STAT5B: variants seen among roughly 807,000 people sequenced by gnomAD.
STAT5B encodes signal transducer and activator of transcription 5B.
STAT5B carries 21 observed loss-of-function variants against 107.8 expected under a neutral mutation model. That is an observed-to-expected ratio of 0.19 (90% confidence interval 0.14 to 0.28). The LOEUF is 0.28. Among genes scored for constraint, STAT5B ranks in the 10% least tolerant of loss-of-function variants. The probability of loss-of-function intolerance (pLI) is 1.00; values close to 1 mark genes in which losing one functional copy is unlikely to be tolerated. For missense variants in STAT5B, 565 were observed against 1,008.2 expected (o/e 0.56, Z 5.95); for synonymous variants, 325 against 401.7 (o/e 0.81, Z 2.28).
chr17:42,260,813 T>C (rs1231214785), intron 1 of STAT5B, among the ~76,000 whole-genome samples: 1 of 152,192 alleles, frequency 6.6e-6, no homozygotes, highest in African/African-American at 2.4e-5. Context: ...AAAATTACAA[T>C]TGGAGCTCAC....
chr17:42,265,227 T>C (rs1177670642), intron 1 of STAT5B, among the ~76,000 whole-genome samples: 1 of 152,046 alleles, frequency 6.6e-6, no homozygotes, highest in Admixed American at 6.5e-5. Context: ...ATCCCATTTG[T>C]CAATTTTGTC....
At chr17:42,265,052 GTTGT>G (rs769780068) in intron 1 of STAT5B, among the ~76,000 whole-genome samples, 5 of 134,874 alleles carry the variant, frequency 3.7e-5, no homozygotes, top group East Asian at 2.1e-4. Context: ...TTTTGATGGG[GTTGT>G]TTGTTTTTTT....
At chr17:42,262,934 G>T (rs7225401) in intron 1 of STAT5B, among the ~76,000 whole-genome samples, 1 of 36,824 alleles carries the variant, frequency 2.7e-5, no homozygotes, top group Non-Finnish European at 5.3e-5. Flanking sequence ...ATATATATAT[G>T]TATATATATG....
intron 1 of STAT5B, among the ~76,000 whole-genome samples, chr17:42,274,298 A>C (rs2080746337): frequency 1.3e-5 from 2 of 151,560 alleles, no homozygotes; most frequent in South Asian, 2.1e-4. Context: ...AAAAAAAAAA[A>C]AAAAAAAAAC....
intron 1 of STAT5B, among the ~76,000 whole-genome samples, chr17:42,237,114 C>G (rs2080362999): frequency 6.6e-6 from 1 of 152,180 alleles, no homozygotes; most frequent in Non-Finnish European, 1.5e-5. Flanking sequence ...CATTTCAGAA[C>G]AACCTAAGAC....
intron 16 of STAT5B, among the ~76,000 whole-genome samples, chr17:42,205,018 C>G (rs1392726776): frequency 6.6e-6 from 1 of 152,164 alleles, no homozygotes; most frequent in African/African-American, 2.4e-5. Context: ...TGAGCTGTAA[C>G]TCTGCATAGG....
intron 2 of STAT5B, among the ~76,000 whole-genome samples, chr17:42,230,089 G>C (rs1307330555): frequency 2.0e-5 from 3 of 152,066 alleles, no homozygotes; most frequent in African/African-American, 7.2e-5. Context: ...AAAATGAAAA[G>C]GGAGTGGAAA....
chr17:42,218,651 G>A lies in STAT5B; in HGVS notation c.989+72C>T, dbSNP rs569613282. 171 of 1,611,284 alleles carry A rather than the reference G, an allele frequency of 1.1e-4. 1 individual carries two copies. The Admixed American group carries it at 2.8e-3, about 26-fold the overall frequency. ...GGAAGTGGATCTGCTGGTCTGGAAG[G>A]CACCTGCGGCTCCCCCCACGCAGGC... On this transcript the variant is annotated intron_variant, in intron 8 of 18. Transcript: ENST00000293328.
chr17:42,219,258 C>T (rs1326890213), intron 7 of STAT5B, 54 bp downstream of exon 7: 22 of 1,589,978 alleles, frequency 1.4e-5, no homozygotes, highest in South Asian at 5.6e-5. Flanking sequence ...CAGAAGCAGC[C>T]GGGATCCCCA....
chr17:42,273,805 AC>A lies in STAT5B; in HGVS notation c.-11+2442del, dbSNP rs529877646. On this transcript the variant is annotated intron_variant, in intron 1 of 18. Coordinates refer to ENST00000293328, the MANE Select transcript of STAT5B (RefSeq NM_012448.4). ...AATGGATTCATAATATATAAGCCTA[AC>A]AAAAATTACAGACAATTTGAATACT... 2.0e-3 allele frequency among the ~76,000 whole-genome samples: 308 copies of A among 152,366 alleles called. 1 individual carries two copies. Among genetic ancestry groups the A allele is most frequent in the African/African-American group, 7.1e-3 (295 of 41,584 alleles).
intron 1 of STAT5B, among the ~76,000 whole-genome samples, chr17:42,259,190 T>C (rs146883714): frequency 0.012 from 1,776 of 152,300 alleles, 11 homozygotes; most frequent in Non-Finnish European, 0.017. Context: ...TTTTCAGAGA[T>C]GGGATCTCAC....
intron 1 of STAT5B, among the ~76,000 whole-genome samples, chr17:42,257,501 C>T (rs77602861): frequency 0.019 from 2,869 of 152,282 alleles, 84 homozygotes; most frequent in African/African-American, 0.066. Flanking sequence ...ATGTGCAAAA[C>T]AAATCGGGTC....
intron 1 of STAT5B, among the ~76,000 whole-genome samples, chr17:42,262,896 G>GTA (rs571521187): frequency 4.5e-5 from 5 of 111,816 alleles, no homozygotes; most frequent in South Asian, 2.7e-4. Context: ...ATATATGTGT[G>GTA]TATATATATG....
intron 9 of STAT5B, chr17:42,217,675 A>G: frequency 1.7e-6 from 1 of 604,462 alleles, no homozygotes; most frequent in Non-Finnish European, 2.9e-6. Flanking sequence ...CACAGAAAAC[A>G]GTTCCTAAGA....
rs1255945632 is a variant in STAT5B, at chr17:42,239,587, A to G, written c.-10-7450T>C. 3.3e-5 allele frequency among the ~76,000 whole-genome samples: 5 copies of G among 152,206 alleles called. No individual in the cohort carries two copies. The East Asian group carries it at 9.6e-4, about 29-fold the overall frequency. ...TAGCTAAGCACTTAGTATATTACTTATAACAAGTGCTTTTATGAATCTACT... is the reference window on the plus strand; with the variant it reads ...TAGCTAAGCACTTAGTATATTACTTGTAACAAGTGCTTTTATGAATCTACT... On this transcript the variant is annotated intron_variant, in intron 1 of 18. Transcript: ENST00000293328.
At chr17:42,236,669 T>G (rs1390317770) in intron 1 of STAT5B, among the ~76,000 whole-genome samples, 2 of 152,152 alleles carry the variant, frequency 1.3e-5, no homozygotes, top group Non-Finnish European at 2.9e-5. Context: ...ACTACTGACC[T>G]CAGGTGACCT....
intron 11 of STAT5B, 110 bp downstream of exon 11, chr17:42,217,050 A>G: frequency 2.0e-6 from 3 of 1,531,444 alleles, no homozygotes; most frequent in Non-Finnish European, 2.6e-6. Flanking sequence ...CAGTTTACCA[A>G]CAGTCAAAAA....
At chr17:42,278,656 C>T (rs763366008), upstream of STAT5B, among the ~76,000 whole-genome samples, 10 of 152,180 alleles carry the variant, frequency 6.6e-5, no homozygotes, top group Middle Eastern at 3.4e-3. Context: ...GGACCACAGA[C>T]GTGCACCACT....
intron 1 of STAT5B, among the ~76,000 whole-genome samples, chr17:42,251,957 C>A (rs2080503380): frequency 6.6e-6 from 1 of 150,682 alleles, no homozygotes; most frequent in African/African-American, 2.5e-5. Context: ...CGAGATCGTG[C>A]CACTGCATTC....
Sources: gnomAD v4.1 joint callset for allele counts (sites outside exome capture counted in the v4.1 genomes callset) on GRCh38, gnomAD v4.1.1 for gene constraint, MANE v1.5 for transcripts, NCBI Gene and HGNC (gene_info 2026-07-23, HGNC 2026-07-21) for gene names.